Variants in IMMP2L observed in about 807,000 individuals in gnomAD.
IMMP2L encodes inner mitochondrial membrane peptidase subunit 2.
IMMP2L carries 18 observed loss-of-function variants against 19.3 expected under a neutral mutation model. The ratio of observed to expected loss-of-function variants is 0.93; its 90% CI spans 0.64 to 1.38. IMMP2L has a LOEUF of 1.38. Ranked by LOEUF, IMMP2L falls within the 40% of genes most tolerant of loss-of-function variation. The probability of loss-of-function intolerance (pLI) is 0.00; values close to 1 mark genes in which losing one functional copy is unlikely to be tolerated. For missense variants in IMMP2L, 233 were observed against 218.2 expected, an observed-to-expected ratio of 1.07 and a Z score of -0.43; for synonymous variants, 76 against 73.0, an observed-to-expected ratio of 1.04 and a Z score of -0.21.
intron 3 of IMMP2L, among the ~76,000 whole-genome samples, chr7:111,202,564 G>A (rs1315971721): frequency 6.6e-6 from 1 of 152,166 alleles, no homozygotes; most frequent in Non-Finnish European, 1.5e-5. Context: ...TTTGTTCTAG[G>A]TTGCTGCACT....
chr7:110,967,157 T>C (rs1280992906), intron 3 of IMMP2L, among the ~76,000 whole-genome samples: 1 of 152,090 alleles, frequency 6.6e-6, no homozygotes. Context: ...AGCAGCTCTG[T>C]GTGGTATGGC....
chr7:110,833,439 CAA>C (rs66826955), intron 5 of IMMP2L, among the ~76,000 whole-genome samples: 33 of 115,442 alleles, frequency 2.9e-4, no homozygotes, highest in East Asian at 8.1e-4. Flanking sequence ...AACTTCGTCT[CAA>C]AAAAAAAAAA....
intron 3 of IMMP2L, among the ~76,000 whole-genome samples, chr7:111,361,967 A>G (rs1158110173): frequency 1.3e-5 from 2 of 152,060 alleles, no homozygotes; most frequent in East Asian, 3.9e-4. Flanking sequence ...CACAACATAC[A>G]TTTTCAGTTG....
chr7:111,143,671 TA>T (rs919925639), intron 3 of IMMP2L, among the ~76,000 whole-genome samples: 8 of 152,108 alleles, frequency 5.3e-5, no homozygotes, highest in African/African-American at 1.9e-4. Flanking sequence ...ATAATACCTT[TA>T]AAAAAGATAA....
At chr7:111,550,205 A>G (rs1849320402) in intron 1 of IMMP2L, among the ~76,000 whole-genome samples, 1 of 152,122 alleles carries the variant, frequency 6.6e-6, no homozygotes, top group Non-Finnish European at 1.5e-5. Flanking sequence ...AAAGGCCAAA[A>G]AGGCTACATA....
chr7:110,963,895 C>T (rs1819240001), intron 3 of IMMP2L, among the ~76,000 whole-genome samples: 1 of 151,840 alleles, frequency 6.6e-6, no homozygotes, highest in East Asian at 1.9e-4. Context: ...TATGGTTTGG[C>T]TCTGTGTCCC....
chr7:110,721,907 C>A (rs1795601736), intron 5 of IMMP2L, among the ~76,000 whole-genome samples: 1 of 151,826 alleles, frequency 6.6e-6, no homozygotes, highest in South Asian at 2.1e-4. Flanking sequence ...GAAAGAGGAA[C>A]AAAGTTGTAA....
At chr7:110,791,046 C>T (rs1800426777) in intron 5 of IMMP2L, among the ~76,000 whole-genome samples, 1 of 151,390 alleles carries the variant, frequency 6.6e-6, no homozygotes, top group Admixed American at 6.6e-5. Context: ...AAACTTCTGC[C>T]CATGAAAACA....
chr7:110,759,072 C>A (rs1446779592), intron 5 of IMMP2L, among the ~76,000 whole-genome samples: 1 of 152,078 alleles, frequency 6.6e-6, no homozygotes, highest in Non-Finnish European at 1.5e-5. Flanking sequence ...TGTATAAATG[C>A]ACGTTTAGTA....
At chr7:110,929,991 G>T (rs1289849287) in intron 4 of IMMP2L, among the ~76,000 whole-genome samples, 3 of 152,262 alleles carry the variant, frequency 2.0e-5, no homozygotes, top group East Asian at 3.9e-4. Flanking sequence ...ATTTATCAGA[G>T]TTTGGGAGGT....
At chr7:111,014,080 C>T (rs1825245660) in intron 3 of IMMP2L, among the ~76,000 whole-genome samples, 2 of 152,158 alleles carry the variant, frequency 1.3e-5, no homozygotes, top group South Asian at 4.1e-4. Context: ...TAAGTACAAA[C>T]AGGCCAGGTG....
chr7:111,326,286 TAATG>T (rs1825308302), intron 3 of IMMP2L, among the ~76,000 whole-genome samples: 1 of 151,774 alleles, frequency 6.6e-6, no homozygotes, highest in South Asian at 2.1e-4. Flanking sequence ...GCTTAGCAAA[TAATG>T]AATTTGATTA....
At position 110,760,552 on chromosome 7, in the gene IMMP2L, C is replaced by A. The variant is rs1798289721; in HGVS notation, c.409-96831G>T. ...ATAAAAGAGTTTTTGTTGTCCCCAA[C>A]TCCCAGGAGGGCAACTGCTGGGAAG... On this transcript the variant is annotated intron_variant, in intron 5 of 5. Coordinates refer to ENST00000405709, the MANE Select transcript of IMMP2L (RefSeq NM_032549.4). This position sits in a 1 kb window ranked among gnomAD's most constrained non-coding sequence, Gnocchi z 4.2. 6.6e-6 allele frequency among the ~76,000 whole-genome samples: 1 copy of A among 152,108 alleles called. No individual in the cohort carries two copies. The highest frequency in any genetic ancestry group is 1.5e-5 in the Non-Finnish European group (1 of 68,026).
intron 5 of IMMP2L, among the ~76,000 whole-genome samples, chr7:110,883,548 C>T (rs542918095): frequency 1.3e-5 from 2 of 152,168 alleles, no homozygotes; most frequent in East Asian, 3.9e-4. Flanking sequence ...ATAGTTTCTG[C>T]CTCTGAATTA....
At chr7:110,980,539 T>C (rs1173044762) in intron 3 of IMMP2L, among the ~76,000 whole-genome samples, 1 of 152,134 alleles carries the variant, frequency 6.6e-6, no homozygotes, top group African/African-American at 2.4e-5. Flanking sequence ...TCTTATCACC[T>C]TTCTAGAAAT....
At chr7:111,434,819 G>A (rs1371639535) in intron 3 of IMMP2L, among the ~76,000 whole-genome samples, 2 of 151,854 alleles carry the variant, frequency 1.3e-5, no homozygotes, top group African/African-American at 4.9e-5. Flanking sequence ...CTCCCAAAGT[G>A]CTGGGATTTA....
chr7:111,398,082 ATTT>A (rs1411425825), intron 3 of IMMP2L, among the ~76,000 whole-genome samples: 1 of 152,120 alleles, frequency 6.6e-6, no homozygotes, highest in Non-Finnish European at 1.5e-5. Context: ...AGACAAAAGT[ATTT>A]TAACACGTCA....
intron 5 of IMMP2L, among the ~76,000 whole-genome samples, chr7:110,733,172 TA>T (rs1796385919): frequency 6.6e-6 from 1 of 152,236 alleles, no homozygotes; most frequent in African/African-American, 2.4e-5. Context: ...ATACAAGTCA[TA>T]GTTATGCTGT....
chr7:111,426,666 G>A (rs1233308560), intron 3 of IMMP2L, among the ~76,000 whole-genome samples: 2 of 151,192 alleles, frequency 1.3e-5, no homozygotes, highest in African/African-American at 2.4e-5. Flanking sequence ...AAGGCATGTG[G>A]CTGGTCACAT....
Sources: gnomAD v4.1 joint callset for allele counts (sites outside exome capture counted in the v4.1 genomes callset) on GRCh38, gnomAD v4.1.1 for gene constraint, Gnocchi (gnomAD v3.1) non-coding constraint, MANE v1.5 for transcripts, NCBI Gene and HGNC (gene_info 2026-07-23, HGNC 2026-07-21) for gene names.